Variants in MIR2052HG observed in about 807,000 individuals in gnomAD.
MIR2052HG encodes the protein MIR2052 host gene.
chr8:74,711,576 GC>G (rs1809468891), intron 4 of MIR2052HG, among the ~76,000 whole-genome samples: 1 of 152,136 alleles, frequency 6.6e-6, no homozygotes, highest in Non-Finnish European at 1.5e-5. Context: ...TATAATGCCT[GC>G]TCGGCATTTG....
chr8:74,714,139 G>C (rs1216437527), intron 4 of MIR2052HG, among the ~76,000 whole-genome samples: 1 of 152,056 alleles, frequency 6.6e-6, no homozygotes, highest in East Asian at 1.9e-4. Flanking sequence ...TTCCAATCAG[G>C]GTTTATTAAG....
At chr8:74,702,581 C>A in intron 3 of MIR2052HG, 2 of 193,222 alleles carry the variant, frequency 1.0e-5, no homozygotes, top group East Asian at 1.4e-4. Flanking sequence ...GGAGATTTCA[C>A]CACATTCAAA....
At chr8:74,600,853 C>T (rs753169959) in intron 1 of MIR2052HG, among the ~76,000 whole-genome samples, 11 of 152,172 alleles carry the variant, frequency 7.2e-5, no homozygotes, top group Non-Finnish European at 1.3e-4. Flanking sequence ...GGATTACAGG[C>T]GTGAGCCACC....
chr8:74,656,006 T>C (rs1808802524), intron 2 of MIR2052HG, among the ~76,000 whole-genome samples: 1 of 152,152 alleles, frequency 6.6e-6, no homozygotes, highest in Non-Finnish European at 1.5e-5. Context: ...ATTTTGGACC[T>C]TAAAATTTGA....
At chr8:74,638,826 A>T (rs1808609568) in intron 2 of MIR2052HG, among the ~76,000 whole-genome samples, 1 of 152,196 alleles carries the variant, frequency 6.6e-6, no homozygotes, top group African/African-American at 2.4e-5. Flanking sequence ...GAATTTATTA[A>T]TCTGGGCATC....
rs1219666126 is a variant in MIR2052HG at position 74,743,910 on chromosome 8, A to G, written n.372-8531A>G. On this transcript the variant is annotated intron_variant and non_coding_transcript_variant, in intron 4 of 6. Coordinates refer to ENST00000523442, the Ensembl canonical transcript of MIR2052HG. ...TCACAAGAAAATCACCATGAGCAAG[A>G]GTCAGCAGACACAGTACCAGATGAA... Among the ~76,000 whole-genome samples the G allele has an allele frequency of 2.6e-5, 4 of 152,374 alleles. No individual in the cohort carries two copies. In the South Asian group the frequency reaches 8.3e-4, roughly 32 times the overall value.
chr8:74,658,874 T>C (rs894303798), intron 2 of MIR2052HG, among the ~76,000 whole-genome samples: 5 of 152,194 alleles, frequency 3.3e-5, no homozygotes, highest in African/African-American at 1.2e-4. Context: ...CTGGACAAAG[T>C]AGGCAAGTTG....
At chr8:74,709,837 G>A (rs978989075) in intron 4 of MIR2052HG, among the ~76,000 whole-genome samples, 1 of 152,082 alleles carries the variant, frequency 6.6e-6, no homozygotes, top group African/African-American at 2.4e-5. Flanking sequence ...TTACTTTTTT[G>A]AGTGAGTGAT....
At chr8:74,608,243 G>T (rs1009426728) in intron 1 of MIR2052HG, among the ~76,000 whole-genome samples, 5 of 151,238 alleles carry the variant, frequency 3.3e-5, no homozygotes, top group African/African-American at 9.9e-5. Context: ...CCTATAGGGA[G>T]TGTCTGGGGA....
intron 2 of MIR2052HG, among the ~76,000 whole-genome samples, chr8:74,677,401 TC>T (rs1320725581): frequency 1.3e-5 from 2 of 151,986 alleles, no homozygotes; most frequent in African/African-American, 4.8e-5. Flanking sequence ...ATAAAGAATA[TC>T]TAAAAAAATT....
At chr8:74,753,574 T>A (rs73341215) in intron 5 of MIR2052HG, among the ~76,000 whole-genome samples, 15,737 of 152,118 alleles carry the variant, frequency 0.1, 1,840 homozygotes, top group African/African-American at 0.29. Flanking sequence ...ATACTTTTAT[T>A]TGCCTCTCAC....
intron 4 of MIR2052HG, among the ~76,000 whole-genome samples, chr8:74,722,361 CT>C (rs1809586887): frequency 6.6e-6 from 1 of 152,102 alleles, no homozygotes; most frequent in Non-Finnish European, 1.5e-5. Context: ...TTTAAAAAAT[CT>C]TTACAAATAC....
At chr8:74,631,632 T>C (rs1430098334) in intron 2 of MIR2052HG, among the ~76,000 whole-genome samples, 7 of 152,176 alleles carry the variant, frequency 4.6e-5, no homozygotes. Flanking sequence ...CCAGTAGTAA[T>C]AACTTCTCAA....
At chr8:74,629,838 C>T (rs1474577051) in intron 2 of MIR2052HG, among the ~76,000 whole-genome samples, 1 of 152,102 alleles carries the variant, frequency 6.6e-6, no homozygotes, top group Non-Finnish European at 1.5e-5. Flanking sequence ...CATCCTTAGC[C>T]CTGTGCTCAC....
chr8:74,600,031 AACTCCCTG>A (rs1586881930), intron 1 of MIR2052HG: 2 of 153,008 alleles, frequency 1.3e-5, no homozygotes, highest in African/African-American at 4.8e-5. Flanking sequence ...TCGGAAAGGG[AACTCCCTG>A]ACCCCTTGCG....
chr8:74,698,075 C>T (rs950257085), intron 2 of MIR2052HG, among the ~76,000 whole-genome samples: 1 of 152,140 alleles, frequency 6.6e-6, no homozygotes, highest in Non-Finnish European at 1.5e-5. Flanking sequence ...AAGAACAAAT[C>T]TGGAGGCATC....
At chr8:74,723,434 A>C (rs560060700) in intron 4 of MIR2052HG, among the ~76,000 whole-genome samples, 1 of 152,304 alleles carries the variant, frequency 6.6e-6, no homozygotes, top group South Asian at 2.1e-4. Context: ...GAAAGAGCCA[A>C]GGCTTTGGAG....
chr8:74,690,101 T>C (rs1293883204), intron 2 of MIR2052HG, among the ~76,000 whole-genome samples: 1 of 152,206 alleles, frequency 6.6e-6, no homozygotes, highest in Admixed American at 6.5e-5. Flanking sequence ...ACATAAAAAA[T>C]GAAGCCATCA....
intron 2 of MIR2052HG, among the ~76,000 whole-genome samples, chr8:74,680,638 T>C (rs935982582): frequency 6.6e-6 from 1 of 152,170 alleles, no homozygotes; most frequent in Non-Finnish European, 1.5e-5. Context: ...GTTCAACCAT[T>C]GTGGAAGTCA....
Sources: allele counts gnomAD v4.1 joint callset (sites outside exome capture counted in the v4.1 genomes callset), GRCh38; gene constraint gnomAD v4.1.1; transcripts MANE v1.5; gene names NCBI Gene and HGNC (gene_info 2026-07-23, HGNC 2026-07-21).